Variants in CZIB observed in about 807,000 individuals in gnomAD.
CZIB encodes UPF0587 protein C1orf123.
Under a neutral mutation model 28.3 loss-of-function variants are expected in CZIB, and 26 were observed. The ratio of observed to expected loss-of-function variants is 0.92; its 90% confidence interval spans 0.67 to 1.27. The LOEUF is 1.27. CZIB is among the 50% of genes most tolerant of loss of function. The pLI, the probability that CZIB is intolerant of heterozygous loss-of-function variation, is 0.00. For missense variants in CZIB, 179 were observed against 197.3 expected (o/e 0.91, Z 0.56); for synonymous variants, 78 against 71.1 (o/e 1.10, Z -0.49).
intron 4 of CZIB, 88 bp downstream of exon 4, chr1:53,218,326 C>A: frequency 6.3e-7 from 1 of 1,579,908 alleles, no homozygotes; most frequent in South Asian, 1.1e-5. Flanking sequence ...CCTGACTCCA[C>A]CCTCAGGTAA....
intron 2 of CZIB, 92 bp from the exon 3 acceptor site, chr1:53,219,015 G>A: frequency 9.3e-7 from 1 of 1,078,524 alleles, no homozygotes; most frequent in Non-Finnish European, 1.4e-6. Context: ...GCAGGCTCAT[G>A]ATCTACCTTC....
Position 53,214,508 on chromosome 1 carries a change from G to A in CZIB, c.*151C>T. 2 of 639,632 alleles carry A rather than the reference G, an allele frequency of 3.1e-6. No individual in the cohort carries two copies. The highest frequency in any genetic ancestry group is 2.7e-5 in the East Asian group (1 of 36,572). 39.6% of individuals were successfully genotyped at this position (639,632 alleles called of 1,614,324 possible). On this transcript the variant is annotated 3_prime_UTR_variant, in exon 8 of 8. Transcript: ENST00000294360. ...ACAGGGGCTTTATTGATGGGGCTTG[G>A]GAAGCTGTAATAAAGTCCAGCATGC... is the stretch of plus-strand genomic sequence containing the variant.
intron 2 of CZIB, 100 bp downstream of exon 2, chr1:53,220,161 T>C (rs1645509967): frequency 2.9e-6 from 3 of 1,042,364 alleles, no homozygotes; most frequent in Non-Finnish European, 4.2e-6. Flanking sequence ...ACACTTAATG[T>C]GCCTGGTTAA....
chr1:53,220,334 A>G lies in CZIB; in HGVS notation c.17T>C (p.Leu6Pro). Residue 6 changes from leucine (L) to proline (P), a missense_variant, in exon 2 of 8, where the codon CTG becomes CCG. Coordinates refer to ENST00000294360, the MANE Select transcript of CZIB (RefSeq NM_017887.3). ...GTTCTCCAGCGTGGCTTTGAGTTGC[A>G]GCGCGATTTTCTGAGGGGGAGGGCC... The part of the protein sequence containing the change: MGKIA[L>P]QLKATLENIT... 3 of 1,613,012 alleles carry G rather than the reference A, an allele frequency of 1.9e-6. No homozygotes were observed. Among genetic ancestry groups the G allele is most frequent in the Non-Finnish European group, 2.5e-6 (3 of 1,179,902 alleles).
chr1:53,214,602 T>G lies in CZIB; in HGVS notation c.*57A>C. ...AGGAACGAGCCTCTGTGGGCTCTGCTGCTTAGAGTACTTTGTCCTTTCTCA... is the reference window on the plus strand; with the variant it reads ...AGGAACGAGCCTCTGTGGGCTCTGCGGCTTAGAGTACTTTGTCCTTTCTCA... On this transcript the variant is annotated 3_prime_UTR_variant, in exon 8 of 8. Coordinates refer to ENST00000294360, the MANE Select transcript of CZIB (RefSeq NM_017887.3). 6.7e-7 allele frequency: 1 copy of G among 1,499,380 alleles called. No homozygotes were observed. The allele number at this position is 1,499,380 out of a possible 1,614,324, so 92.9% of individuals were successfully genotyped here.
At position 53,220,624 on chromosome 1, in the gene CZIB, C is replaced by T. The variant is rs1297172646; in HGVS notation, c.-49G>A. 5.7e-6 allele frequency: 9 copies of T among 1,589,164 alleles called. No homozygotes were observed. Among genetic ancestry groups the T allele is most frequent in the Admixed American group, 3.4e-5 (2 of 59,166 alleles). ...GGCTGCGGCCCTTGCCGTTGCTTTC[C>T]GGCGCGTCGTAAAAGGCGGGTGCCG... On this transcript the variant is annotated 5_prime_UTR_variant, in exon 1 of 8. Coordinates refer to ENST00000294360, the MANE Select transcript of CZIB (RefSeq NM_017887.3).
In CZIB at chr1:53,214,535, G is replaced by C; in HGVS notation, c.*124C>G. On this transcript the variant is annotated 3_prime_UTR_variant, in exon 8 of 8. Coordinates refer to ENST00000294360, the MANE Select transcript of CZIB (RefSeq NM_017887.3). The stretch of plus-strand genomic sequence containing the variant: ...AAGCTGTAATAAAGTCCAGCATGCA[G>C]ATTGTGAAGGTTTCGTATAGCCACC... 1 of 746,612 alleles carries C rather than the reference G, an allele frequency of 1.3e-6. No individual in the cohort carries two copies. The highest frequency in any genetic ancestry group is 2.2e-6 in the Non-Finnish European group (1 of 444,968). The allele number at this position is 746,612 out of a possible 1,614,324, so 46.2% of individuals were successfully genotyped here. A position where few individuals can be genotyped will look rare whatever the true frequency, so the allele number is the denominator to read the frequency against.
In CZIB at chr1:53,214,568, A is replaced by G. The variant is rs1645456474; in HGVS notation, c.*91T>C. 9.2e-7 allele frequency: 1 copy of G among 1,089,772 alleles called. No individual in the cohort carries two copies. The highest frequency in any genetic ancestry group is 1.4e-6 in the Non-Finnish European group (1 of 725,250). 67.5% of individuals were successfully genotyped at this position (1,089,772 alleles called of 1,614,324 possible). ...AGGTTTCGTATAGCCACCAGGAGAC[A>G]AGGGTCAAAGGAACGAGCCTCTGTG... On this transcript the variant is annotated 3_prime_UTR_variant, in exon 8 of 8. Transcript: ENST00000294360.
In CZIB at chr1:53,220,258, C is replaced by A. The variant is rs754615442; in HGVS notation, c.90+3G>T. On this transcript the variant is annotated splice_donor_region_variant and intron_variant, in intron 2 of 7. Coordinates refer to ENST00000294360, the MANE Select transcript of CZIB (RefSeq NM_017887.3). Reference sequence around the variant, plus strand: ...CTCTCCCCGGGCCCCGCCCCGGCCGCACCTTCAGGTACCACCGGAAGTCCT... The same window carrying A: ...CTCTCCCCGGGCCCCGCCCCGGCCGAACCTTCAGGTACCACCGGAAGTCCT... 1.2e-6 allele frequency: 2 copies of A among 1,612,796 alleles called. No individual in the cohort carries two copies. The highest frequency in any genetic ancestry group is 4.5e-5 in the East Asian group (2 of 44,872).
intron 7 of CZIB, 124 bp from the exon 8 acceptor site, chr1:53,214,860 C>T: frequency 4.3e-6 from 3 of 697,546 alleles, no homozygotes; most frequent in Non-Finnish European, 7.3e-6. Context: ...ATGTATGACC[C>T]TGAACAGAGC....
intron 5 of CZIB, 193 bp downstream of exon 5, chr1:53,217,979 A>C (rs1422496087): frequency 8.0e-6 from 5 of 628,652 alleles, no homozygotes; most frequent in Non-Finnish European, 1.4e-5. Flanking sequence ...CCTCATAAGA[A>C]GGCACTGCAA....
Position 53,215,974 on chromosome 1 carries a change from G to GC in CZIB, c.405+16dup. On this transcript the variant is annotated intron_variant, in intron 7 of 7. Transcript: ENST00000294360. ...CAGGTGCCCTACAGTACCTCCCAAA[G>GC]CCCCCAAGTCTCATACCTTCTCCTG... 2 of 1,613,072 alleles carry GC rather than the reference G, an allele frequency of 1.2e-6. No homozygotes were observed. Among genetic ancestry groups the GC allele is most frequent in the Non-Finnish European group, 1.7e-6 (2 of 1,179,230 alleles).
rs1265573354 is a variant in CZIB at position 53,218,395 on chromosome 1, T to C, written c.229+19A>G. The C allele has an allele frequency of 1.9e-6, 3 of 1,613,986 alleles. No homozygotes were observed. Among genetic ancestry groups the C allele is most frequent in the Non-Finnish European group, 2.5e-6 (3 of 1,179,864 alleles). On this transcript the variant is annotated intron_variant, in intron 4 of 7. Coordinates refer to ENST00000294360, the MANE Select transcript of CZIB (RefSeq NM_017887.3). ...TGTGGGCCACCCTGGCAGAACTCAG[T>C]ACGCACAGCCTGACCTACCGATGGA...
In CZIB at chr1:53,218,652, A is replaced by C. The variant is rs3736118; in HGVS notation, c.148-157T>G. The C allele has an allele frequency of 5.9e-6, 5 of 844,888 alleles. No homozygotes were observed. The African/African-American group carries it at 6.9e-5, about 12-fold the overall frequency. 52.3% of individuals were successfully genotyped at this position (844,888 alleles called of 1,614,324 possible). ...CCTGGGAAGGCTTCCTGAGGAAAAT[A>C]AAAAAAGGGCTTCCCCTTGATTTTG... is the stretch of plus-strand genomic sequence containing the variant. On this transcript the variant is annotated intron_variant, in intron 3 of 7. Transcript: ENST00000294360.
rs776731664 is a variant in CZIB at position 53,218,180 on chromosome 1, G to T, written c.253C>A (p.Pro85Thr). The change falls in exon 5 of 8, where the codon CCT becomes ACT. Residue 85 changes from proline to threonine, a missense_variant. By Grantham distance (38) the Pro-to-Thr change is conservative. Coordinates refer to ENST00000294360, the MANE Select transcript of CZIB (RefSeq NM_017887.3). ...TACAGCAGCAAACTTACATTGTAAG[G>T]CTTGATGGTGCTGCTTAAAATCTCT... ...SIEILSSTIK[P>T]YNAEDNENFK... 6.2e-7 allele frequency: 1 copy of T among 1,613,994 alleles called. No individual in the cohort carries two copies. The highest frequency in any genetic ancestry group is 1.3e-5 in the African/African-American group (1 of 74,934).
chr1:53,218,350 T>A (rs1392016620), intron 4 of CZIB, 64 bp downstream of exon 4: 80 of 1,598,848 alleles, frequency 5.0e-5, no homozygotes, highest in Non-Finnish European at 6.3e-5. Flanking sequence ...GAGTCTACTT[T>A]CAGCCTGGTG....
Position 53,214,333 on chromosome 1 carries a change from T to C in CZIB, c.*326A>G, listed in dbSNP as rs1056875315. 1 of 264,368 alleles carries C rather than the reference T, an allele frequency of 3.8e-6. No homozygotes were observed. Among genetic ancestry groups the C allele is most frequent in the African/African-American group, 2.2e-5 (1 of 46,254 alleles). The allele number at this position is 264,368 out of a possible 1,614,324, so 16.4% of individuals were successfully genotyped here. ...GAGTGATGGTGGGATCGCGGTTTCATCTCTGTAAACTTGCCCTTGACTGGG... is the reference window on the plus strand; with the variant it reads ...GAGTGATGGTGGGATCGCGGTTTCACCTCTGTAAACTTGCCCTTGACTGGG... On this transcript the variant is annotated 3_prime_UTR_variant, in exon 8 of 8. Transcript: ENST00000294360.
At chr1:53,218,029 G>T in intron 5 of CZIB, 143 bp downstream of exon 5, 1 of 863,856 alleles carries the variant, frequency 1.2e-6, no homozygotes, top group Non-Finnish European at 1.8e-6. Context: ...GTGGATAAAT[G>T]ACTGAGTCAA....
intron 5 of CZIB, 83 bp from the exon 6 acceptor site, chr1:53,216,942 G>T: frequency 8.4e-7 from 1 of 1,186,828 alleles, no homozygotes; most frequent in Non-Finnish European, 1.3e-6. Context: ...TGCCAAATGG[G>T]CACTTACTGC....
Sources: allele counts gnomAD v4.1 joint callset, GRCh38; gene constraint gnomAD v4.1.1; transcripts MANE v1.5; gene names NCBI Gene and HGNC (gene_info 2026-07-23, HGNC 2026-07-21).